FOXP1: variants seen among roughly 807,000 people sequenced by gnomAD.
The protein encoded by FOXP1 is forkhead box P1.
A neutral mutation model predicts 98.2 loss-of-function variants in FOXP1; 15 were observed. The ratio of observed to expected loss-of-function variants is 0.15; its 90% CI spans 0.10 to 0.24. The LOEUF (loss-of-function observed/expected upper bound fraction) is 0.24, where lower values mean the gene tolerates loss of function less well. FOXP1 is among the 10% of genes least tolerant of loss of function. The pLI is 1.00. For missense variants in FOXP1, 633 were observed against 848.5 expected (o/e 0.75, Z 3.15); for synonymous variants, 371 against 314.5 (o/e 1.18, Z -1.90).
At chr3:71,579,591 C>T (rs540220739) in intron 2 of FOXP1, among the ~76,000 whole-genome samples, 81 of 150,938 alleles carry the variant, frequency 5.4e-4, no homozygotes, top group Non-Finnish European at 6.2e-4. Flanking sequence ...TGACACAAAA[C>T]TTCATCACCA....
chr3:71,067,988 AT>A (rs2052753260), intron 7 of FOXP1, among the ~76,000 whole-genome samples: 1 of 112,496 alleles, frequency 8.9e-6, no homozygotes, highest in African/African-American at 4.2e-5. Context: ...CTGGATAATT[AT>A]AAAAAAAAAA....
At chr3:71,251,499 A>G (rs1337850187) in intron 5 of FOXP1, among the ~76,000 whole-genome samples, 1 of 152,262 alleles carries the variant, frequency 6.6e-6, no homozygotes, top group Non-Finnish European at 1.5e-5. Context: ...CATAGCTGTC[A>G]GGATGTTTCT....
Position 70,988,054 on chromosome 3 carries a change from C to A in FOXP1, c.1086G>T (p.Leu362=). 1 of 1,614,124 alleles carries A rather than the reference C, an allele frequency of 6.2e-7. No homozygotes were observed. The highest frequency in any genetic ancestry group is 8.5e-7 in the Non-Finnish European group (1 of 1,179,978). ...CATGCAGGTGGGTCATCATGGCTTG[C>A]AGGCGTTCTTTGTCTTTTGCAAGCT... ...ELQLAKDKER[L]QAMMTHLHVK... The change falls in exon 14 of 21, where the codon CTG becomes CTT. Residue 362 remains leucine, a synonymous_variant. Transcript: ENST00000649528.
intron 3 of FOXP1, among the ~76,000 whole-genome samples, chr3:71,492,933 G>A (rs888765644): frequency 1.3e-5 from 2 of 152,150 alleles, no homozygotes; most frequent in African/African-American, 2.4e-5. Context: ...AAAATTTCCA[G>A]AAGTCTTTCA....
At chr3:71,168,587 C>T (rs897970044) in intron 6 of FOXP1, among the ~76,000 whole-genome samples, 1 of 152,216 alleles carries the variant, frequency 6.6e-6, no homozygotes, top group Admixed American at 6.5e-5. Flanking sequence ...AACAAAATAA[C>T]ATTTCCCATC....
At chr3:71,566,177 G>T (rs575938894) in intron 2 of FOXP1, among the ~76,000 whole-genome samples, 2 of 152,296 alleles carry the variant, frequency 1.3e-5, no homozygotes, top group South Asian at 4.1e-4. Flanking sequence ...GTCTCACGGG[G>T]GTTATGATCA....
chr3:71,091,464 TG>T (rs2055834225), intron 7 of FOXP1, among the ~76,000 whole-genome samples: 1 of 151,930 alleles, frequency 6.6e-6, no homozygotes, highest in African/African-American at 2.4e-5. Flanking sequence ...CATGCCAGCC[TG>T]GGTGACAGAG....
chr3:71,320,223 G>A (rs1412559110), intron 4 of FOXP1, among the ~76,000 whole-genome samples: 1 of 151,892 alleles, frequency 6.6e-6, no homozygotes, highest in Non-Finnish European at 1.5e-5. Flanking sequence ...GCTTACCCAC[G>A]CACATCCCAT....
chr3:71,264,019 G>C (rs957416693), intron 5 of FOXP1, among the ~76,000 whole-genome samples: 1 of 151,242 alleles, frequency 6.6e-6, no homozygotes, highest in Non-Finnish European at 1.5e-5. Context: ...CCAAATTGTT[G>C]TAAGTACAGG....
intron 5 of FOXP1, among the ~76,000 whole-genome samples, chr3:71,209,676 G>C (rs575418515): frequency 2.0e-5 from 3 of 152,124 alleles, no homozygotes; most frequent in Non-Finnish European, 2.9e-5. Context: ...AAGAAGAAAC[G>C]TTTAATCTCT....
intron 3 of FOXP1, among the ~76,000 whole-genome samples, chr3:71,419,671 A>T (rs1414072040): frequency 1.3e-5 from 2 of 152,322 alleles, no homozygotes; most frequent in South Asian, 2.1e-4. Flanking sequence ...AGTCTAACTC[A>T]GCATTTCCCA....
intron 5 of FOXP1, among the ~76,000 whole-genome samples, chr3:71,290,781 G>A (rs2072665554): frequency 6.6e-6 from 1 of 152,108 alleles, no homozygotes; most frequent in South Asian, 2.1e-4. Context: ...ACACTCAAAG[G>A]AAATGCTCAC....
chr3:71,352,550 T>G (rs2077868948), intron 4 of FOXP1, among the ~76,000 whole-genome samples: 1 of 149,906 alleles, frequency 6.7e-6, no homozygotes, highest in Non-Finnish European at 1.5e-5. Context: ...TTGCTCCATA[T>G]AAGCAGAGGG....
intron 20 of FOXP1, among the ~76,000 whole-genome samples, chr3:70,959,837 G>A (rs1475293069): frequency 6.6e-6 from 1 of 152,162 alleles, no homozygotes; most frequent in East Asian, 1.9e-4. Context: ...TGGGGCCTGA[G>A]ACTCTGCATC....
intron 6 of FOXP1, among the ~76,000 whole-genome samples, chr3:71,116,337 C>G (rs891386746): frequency 1.3e-5 from 2 of 152,028 alleles, no homozygotes; most frequent in Non-Finnish European, 2.9e-5. Context: ...ATCCAAGATA[C>G]AAGCACGGGG....
intron 4 of FOXP1, among the ~76,000 whole-genome samples, chr3:71,316,925 G>C (rs2075114787): frequency 6.6e-6 from 1 of 152,032 alleles, no homozygotes; most frequent in Admixed American, 6.6e-5. Context: ...CAAAGTGCTG[G>C]GATTTCAAGC....
intron 3 of FOXP1, among the ~76,000 whole-genome samples, chr3:71,365,944 GCCT>G (rs2078900497): frequency 6.6e-6 from 1 of 152,156 alleles, no homozygotes; most frequent in African/African-American, 2.4e-5. Context: ...CTGCACTCCA[GCCT>G]GGCGACAGGG....
chr3:71,225,539 C>G (rs2106675702), intron 5 of FOXP1, among the ~76,000 whole-genome samples: 1 of 146,358 alleles, frequency 6.8e-6, no homozygotes, highest in Non-Finnish European at 1.5e-5. Flanking sequence ...TCTGAGCTGT[C>G]ATAATTGCTA....
intron 5 of FOXP1, among the ~76,000 whole-genome samples, chr3:71,281,040 A>T (rs111656554): frequency 1.5e-4 from 3 of 19,524 alleles, no homozygotes; most frequent in African/African-American, 9.2e-4. Context: ...CCTTCTCTAC[A>T]AAAAAAAAAA....
Sources: gnomAD v4.1 joint callset for allele counts (sites outside exome capture counted in the v4.1 genomes callset) on GRCh38, gnomAD v4.1.1 for gene constraint, MANE v1.5 for transcripts, NCBI Gene and HGNC (gene_info 2026-07-23, HGNC 2026-07-21) for gene names.